NLGN4X: variants seen among roughly 807,000 people sequenced by gnomAD.
The protein encoded by NLGN4X is neuroligin 4 X-linked.
In NLGN4X, 3 loss-of-function variants were observed where a neutral mutation model predicts 40.3. The observed-to-expected ratio is 0.07, with a 90% CI of 0.03 to 0.19. The LOEUF is 0.19. Among genes scored for constraint, NLGN4X ranks in the 10% least tolerant of loss-of-function variants. The pLI is 1.00. For missense variants in NLGN4X, 382 were observed against 708.3 expected (o/e 0.54, Z 5.23); for synonymous variants, 270 against 306.8 (o/e 0.88, Z 1.25).
chrX:6,029,140 A>G lies in NLGN4X; in HGVS notation c.625+140T>C, dbSNP rs1400477310. 12 of 703,766 alleles carry G rather than the reference A, an allele frequency of 1.7e-5. No individual in the cohort carries two copies. The South Asian group carries it at 2.4e-4, about 14-fold the overall frequency. The allele number at this position is 703,766 out of a possible 1,213,427, so 58.0% of individuals were successfully genotyped here. ...GTAGTAAAAGGAATAAACATATCCA[A>G]TCACATAAAGTAAATACCGTGAAGT... On this transcript the variant is annotated intron_variant, in intron 3 of 5. Transcript: ENST00000381095.
intron 1 of NLGN4X, among the ~76,000 whole-genome samples, chrX:6,195,457 AAC>A (rs1467611844): frequency 1.8e-5 from 2 of 112,205 alleles, no homozygotes; most frequent in Non-Finnish European, 1.9e-5. Flanking sequence ...CCATGGCTGA[AAC>A]AGTTTTCAAC....
intron 1 of NLGN4X, among the ~76,000 whole-genome samples, chrX:6,175,056 C>T: frequency 9.0e-6 from 1 of 111,548 alleles, no homozygotes. Context: ...TATTAATCTG[C>T]CTTTTGTGAC....
intron 1 of NLGN4X, among the ~76,000 whole-genome samples, chrX:6,155,969 T>C (rs1283562142): frequency 1.8e-5 from 2 of 112,363 alleles, no homozygotes; most frequent in African/African-American, 3.2e-5. Context: ...AGTTCAGCCA[T>C]TGTGTAAAGC....
At chrX:6,177,056 A>G (rs762416860) in intron 1 of NLGN4X, among the ~76,000 whole-genome samples, 2 of 112,402 alleles carry the variant, frequency 1.8e-5, no homozygotes, top group South Asian at 7.4e-4. Context: ...TGACAAAGTA[A>G]AAGGGAAAAT....
At chrX:6,148,897 T>A (rs1006934547) in intron 2 of NLGN4X, among the ~76,000 whole-genome samples, 2 of 112,049 alleles carry the variant, frequency 1.8e-5, no homozygotes, top group Non-Finnish European at 3.8e-5. Context: ...CTGTGACTTG[T>A]GGATGGTACA....
intron 5 of NLGN4X, among the ~76,000 whole-genome samples, chrX:5,895,779 A>T (rs1221812204): frequency 2.7e-5 from 3 of 111,429 alleles, no homozygotes; most frequent in African/African-American, 9.8e-5. Flanking sequence ...TAATACCATG[A>T]GTTTTCTTAT....
intron 2 of NLGN4X, among the ~76,000 whole-genome samples, chrX:6,047,050 CT>C (rs2037344909): frequency 9.2e-6 from 1 of 108,639 alleles, no homozygotes; most frequent in African/African-American, 3.3e-5. Flanking sequence ...TATATGTATA[CT>C]TTTGTGTACA....
chrX:5,925,879 CACATAT>C (rs1478624650), intron 3 of NLGN4X, among the ~76,000 whole-genome samples: 579 of 46,779 alleles, frequency 0.012, 55 homozygotes, highest in Middle Eastern at 0.042. Flanking sequence ...TATACATACA[CACATAT>C]ATATATATAT....
At chrX:6,173,101 T>C (rs2040644180) in intron 1 of NLGN4X, among the ~76,000 whole-genome samples, 1 of 112,442 alleles carries the variant, frequency 8.9e-6, no homozygotes, top group Non-Finnish European at 1.9e-5. Context: ...CTCTGACATC[T>C]CTGGGTCCTT....
At chrX:6,087,984 T>C (rs2038538679) in intron 2 of NLGN4X, among the ~76,000 whole-genome samples, 1 of 111,173 alleles carries the variant, frequency 9.0e-6, no homozygotes, top group Middle Eastern at 4.6e-3. Flanking sequence ...TTCTCACTTT[T>C]ATTCTGAATG....
intron 3 of NLGN4X, among the ~76,000 whole-genome samples, chrX:5,951,705 A>G (rs1487614204): frequency 3.6e-5 from 4 of 111,021 alleles, no homozygotes; most frequent in Non-Finnish European, 7.5e-5. Flanking sequence ...CACATGATAA[A>G]AGGGACGAGG....
At position 5,903,432 on chromosome X, in the gene NLGN4X, A is replaced by G; in HGVS notation, c.1246T>C (p.Leu416=). Residue 416 remains leucine (L), a synonymous_variant, in exon 5 of 6, where the codon TTG becomes CTG. Transcript: ENST00000381095. The part of the protein sequence containing the change: ...LYGYPEGKDT[L]RETIKFMYTD... ...TACATGAACTTGATAGTCTCCCGCA[A>G]AGTGTCTTTCCCTTCAGGGTAGCCG... 3 of 1,208,055 alleles carry G rather than the reference A, an allele frequency of 2.5e-6. No individual in the cohort carries two copies. Among genetic ancestry groups the G allele is most frequent in the African/African-American group, 3.5e-5 (2 of 57,475 alleles).
chrX:6,221,819 A>G (rs779547970), intron 1 of NLGN4X, among the ~76,000 whole-genome samples: 3 of 110,622 alleles, frequency 2.7e-5, no homozygotes, highest in South Asian at 7.7e-4. Flanking sequence ...GTCACACGGC[A>G]TGCCTCACTG....
intron 5 of NLGN4X, among the ~76,000 whole-genome samples, chrX:5,901,935 G>T (rs1482037965): frequency 9.4e-6 from 1 of 106,549 alleles, no homozygotes; most frequent in African/African-American, 3.4e-5. Context: ...TTTTTATATA[G>T]ACATTAAATA....
At chrX:6,097,633 T>C (rs2038812254) in intron 2 of NLGN4X, among the ~76,000 whole-genome samples, 1 of 111,823 alleles carries the variant, frequency 8.9e-6, no homozygotes, top group African/African-American at 3.3e-5. Context: ...AATGTATTCA[T>C]AACACTTGCT....
intron 3 of NLGN4X, among the ~76,000 whole-genome samples, chrX:6,013,274 T>C: frequency 9.0e-6 from 1 of 111,022 alleles, no homozygotes; most frequent in African/African-American, 3.3e-5. Flanking sequence ...TATACATAGA[T>C]ATTTCGGGGA....
At chrX:6,091,591 A>T (rs903448038) in intron 2 of NLGN4X, among the ~76,000 whole-genome samples, 2 of 111,618 alleles carry the variant, frequency 1.8e-5, no homozygotes, top group Non-Finnish European at 3.8e-5. Flanking sequence ...TTTCATTCAC[A>T]TAAAAAAAAA....
chrX:5,943,384 A>G (rs1324959313), intron 3 of NLGN4X, among the ~76,000 whole-genome samples: 1 of 111,633 alleles, frequency 9.0e-6, no homozygotes, highest in East Asian at 2.8e-4. Context: ...CACAGAAATC[A>G]CCCTTGGGTG....
intron 2 of NLGN4X, chrX:6,032,900 G>A (rs1225297715): frequency 3.0e-6 from 1 of 330,044 alleles, no homozygotes; most frequent in East Asian, 4.6e-5. Context: ...GTTACATTTG[G>A]ATTTCAAAAA....
Sources: allele counts gnomAD v4.1 joint callset (sites outside exome capture counted in the v4.1 genomes callset), GRCh38; gene constraint gnomAD v4.1.1; transcripts MANE v1.5; gene names NCBI Gene and HGNC (gene_info 2026-07-23, HGNC 2026-07-21).